The following NCOR2 variants were observed in gnomAD, a reference collection of about 807,000 sequenced individuals.
NCOR2 encodes CTG repeat protein 26.
Under a neutral mutation model 262.9 loss-of-function variants are expected in NCOR2, and 81 were observed. That is an observed-to-expected ratio of 0.31 (90% CI 0.26 to 0.37). The LOEUF (loss-of-function observed/expected upper bound fraction) is 0.37. Ranked by LOEUF, NCOR2 falls within the 10% of genes least tolerant of loss-of-function variation. The probability of loss-of-function intolerance (pLI) is 1.00; values close to 1 mark genes in which losing one functional copy is unlikely to be tolerated. For missense variants in NCOR2, 3,385 were observed against 3,621.4 expected (o/e 0.93, Z 1.68); for synonymous variants, 1,659 against 1,559.3 (o/e 1.06, Z -1.51).
chr12:124,399,556 A>G (rs939616710), intron 15 of NCOR2, among the ~76,000 whole-genome samples: 1 of 152,126 alleles, frequency 6.6e-6, no homozygotes, highest in African/African-American at 2.4e-5. Context: ...ATTTTTAGAG[A>G]GGGAACGTTT....
intron 8 of NCOR2, among the ~76,000 whole-genome samples, chr12:124,433,102 G>T (rs917879075): frequency 6.6e-6 from 1 of 152,100 alleles, no homozygotes; most frequent in East Asian, 1.9e-4. Flanking sequence ...CTCCATCCTC[G>T]ACAGCCCCGT....
intron 17 of NCOR2, among the ~76,000 whole-genome samples, chr12:124,380,486 G>A (rs1013027142): frequency 2.6e-5 from 4 of 152,212 alleles, no homozygotes; most frequent in Non-Finnish European, 5.9e-5. Flanking sequence ...CCCCGCACAC[G>A]TCCTGGGCCC....
chr12:124,386,813 C>T lies in NCOR2; in HGVS notation c.1877-926G>A, dbSNP rs544935717. Among the ~76,000 whole-genome samples, 9 of 152,378 alleles carry T rather than the reference C, an allele frequency of 5.9e-5. No homozygotes were observed. The South Asian group carries it at 8.3e-4, about 14-fold the overall frequency. On this transcript the variant is annotated intron_variant, in intron 16 of 46. Coordinates refer to ENST00000405201, the Ensembl canonical transcript of NCOR2. The stretch of plus-strand genomic sequence containing the variant: ...CTCGGCCTGTCTGCCCGGCGAGCTG[C>T]GGCACACACAGGCACAGGCCAGGCA...
intron 17 of NCOR2, among the ~76,000 whole-genome samples, 163 bp downstream of exon 19, chr12:124,385,582 G>A (rs897625480): frequency 6.6e-6 from 1 of 152,112 alleles, no homozygotes; most frequent in African/African-American, 2.4e-5. Context: ...CAGCCATCTC[G>A]GGGTACTCCC....
chr12:124,332,027 G>A (rs1244479943), intron 43 of NCOR2: 3 of 398,380 alleles, frequency 7.5e-6, no homozygotes, highest in South Asian at 5.3e-5. Flanking sequence ...TTGTGTGGGA[G>A]GGATCCAACC....
chr12:124,536,724 C>G (rs1482690940), upstream of NCOR2, among the ~76,000 whole-genome samples: 1 of 152,186 alleles, frequency 6.6e-6, no homozygotes, highest in Non-Finnish European at 1.5e-5. Context: ...AATGGAGCAA[C>G]TACTTTGCAA....
At chr12:124,425,486 C>CA (rs1265343454) in intron 11 of NCOR2, among the ~76,000 whole-genome samples, 23 of 151,886 alleles carry the variant, frequency 1.5e-4, no homozygotes, top group Admixed American at 1.4e-3. Context: ...TGGCCCAAGA[C>CA]ATTTCTTTTT....
rs1285567973 is a variant in NCOR2 at position 124,356,630 on chromosome 12, G to A, written c.3241+12C>T. On this transcript the variant is annotated intron_variant, in intron 23 of 46. Transcript: ENST00000405201. The stretch of plus-strand genomic sequence containing the variant: ...TGGCTGAAGAAGCCCAAGCTCGGGC[G>A]GAGCTACTTACCAGGTGGAGCGTAG... 1.1e-5 allele frequency: 15 copies of A among 1,426,382 alleles called. No homozygotes were observed. The highest frequency in any genetic ancestry group is 1.1e-5 in the Non-Finnish European group (12 of 1,090,100). The allele number at this position is 1,426,382 out of a possible 1,614,324, so 88.4% of individuals were successfully genotyped here.
intron 13 of NCOR2, among the ~76,000 whole-genome samples, chr12:124,413,008 C>T (rs542673259): frequency 2.0e-5 from 3 of 152,354 alleles, no homozygotes; most frequent in South Asian, 2.1e-4. Context: ...TCGGAAGCCT[C>T]GCTGCCGGGG....
chr12:124,543,934 C>A (rs7316049), intron 1 of NCOR2, among the ~76,000 whole-genome samples: 31 of 152,290 alleles, frequency 2.0e-4, no homozygotes, highest in African/African-American at 7.0e-4. Context: ...AAGCCCCTTA[C>A]GATGATTAAC....
rs367654646 is a variant in NCOR2, at chr12:124,378,369, C to G, written c.2035G>C (p.Ala679Pro). The change falls in exon 18 of 47, where the codon GCG (alanine) becomes CCG (proline). Residue 679 changes from alanine to proline, a missense_variant. Physicochemically the swap from Ala to Pro is conservative, Grantham distance 27. Coordinates refer to ENST00000405201, the Ensembl canonical transcript of NCOR2. This position sits in a 1 kb window ranked among gnomAD's most constrained non-coding sequence, Gnocchi z 4.2. ...GGCGCTTTCTTCTTCTTCCTCCGCG[C>G]GTTCCTCTCCTTCTCCTGGGGCACA... 1 of 1,612,696 alleles carries G rather than the reference C, an allele frequency of 6.2e-7. No homozygotes were observed. The highest frequency in any genetic ancestry group is 1.1e-5 in the South Asian group (1 of 90,952).
exon 14 of NCOR2, chr12:124,402,535 C>CTGCTGT: frequency 1.9e-6 from 3 of 1,570,186 alleles, no homozygotes; most frequent in Non-Finnish European, 2.6e-6. Flanking sequence ...GCTGCTGCTG[C>CTGCTGT]TGCTGCTGCT....
At chr12:124,386,783 C>T (rs11838138) in intron 16 of NCOR2, among the ~76,000 whole-genome samples, 2,205 of 152,332 alleles carry the variant, frequency 0.014, 59 homozygotes, top group African/African-American at 0.05. Context: ...AGCCAAGCCC[C>T]CGGTCTCGGC....
intron 1 of NCOR2, among the ~76,000 whole-genome samples, chr12:124,546,644 G>A (rs999447563): frequency 6.6e-6 from 1 of 151,924 alleles, no homozygotes; most frequent in African/African-American, 2.4e-5. Context: ...CAAACTCCTG[G>A]CCTCGAGATC....
intron 1 of NCOR2, among the ~76,000 whole-genome samples, chr12:124,487,361 C>A (rs1047453157): frequency 2.0e-5 from 3 of 152,242 alleles, no homozygotes; most frequent in African/African-American, 7.2e-5. Context: ...ACTCCCCGCT[C>A]GTATCACAGC....
intron 2 of NCOR2, among the ~76,000 whole-genome samples, chr12:124,484,875 C>T (rs1013648268): frequency 6.6e-6 from 1 of 152,224 alleles, no homozygotes; most frequent in East Asian, 1.9e-4. Context: ...CAGGTACTGG[C>T]GCACAGTAGG....
chr12:124,327,619 T>C, exon 45 of NCOR2: 1 of 1,608,304 alleles, frequency 6.2e-7, no homozygotes, highest in Non-Finnish European at 8.5e-7. Flanking sequence ...GCCTGGCTTC[T>C]ATAGGTCATA....
intron 42 of NCOR2, 56 bp downstream of exon 44, chr12:124,333,074 G>T (rs1424436254): frequency 4.6e-6 from 7 of 1,529,974 alleles, no homozygotes; most frequent in Non-Finnish European, 6.2e-6. Flanking sequence ...TGGGGCCAAG[G>T]ATGGGCAAGG....
At position 124,340,174 on chromosome 12, in the gene NCOR2, C is replaced by CTG. The variant is rs775662235; in HGVS notation, c.5518_5519insCA (p.Gly1840AlafsTer42). ...GGGGCGGCTGCTGCTGCCCCCACCC[C>CTG]CGCCGCTGCTGCCGCTGCTCTGCTC... On this transcript the variant is annotated frameshift_variant, in exon 37 of 47. Coordinates refer to ENST00000405201, the Ensembl canonical transcript of NCOR2. LOFTEE classifies it high-confidence loss of function. 7.8e-6 allele frequency: 12 copies of CTG among 1,541,994 alleles called. No individual in the cohort carries two copies. The African/African-American group carries it at 8.8e-5, about 11-fold the overall frequency.
Sources: gnomAD v4.1 joint callset for allele counts (sites outside exome capture counted in the v4.1 genomes callset) on GRCh38, gnomAD v4.1.1 for gene constraint, Gnocchi (gnomAD v3.1) non-coding constraint, MANE v1.5 for transcripts, NCBI Gene and HGNC (gene_info 2026-07-23, HGNC 2026-07-21) for gene names.